Variants in MAPK10 observed in about 807,000 individuals in gnomAD.
MAPK10 encodes the protein JNK3 alpha protein kinase.
MAPK10 carries 25 observed loss-of-function variants against 59.3 expected under a neutral mutation model. The observed-to-expected ratio is 0.42, with a 90% confidence interval of 0.31 to 0.59. MAPK10 has a LOEUF of 0.59. Among genes scored for constraint, MAPK10 ranks in the 20% least tolerant of loss-of-function variants. The probability of loss-of-function intolerance (pLI) is 0.15; values close to 1 mark genes in which losing one functional copy is unlikely to be tolerated. For missense variants in MAPK10, 351 were observed against 568.9 expected (o/e 0.62, Z 3.90); for synonymous variants, 190 against 200.5 (o/e 0.95, Z 0.44).
chr4:86,557,192 C>T (rs1234489772), intron 1 of MAPK10, among the ~76,000 whole-genome samples: 1 of 151,908 alleles, frequency 6.6e-6, no homozygotes, highest in Non-Finnish European at 1.5e-5. Flanking sequence ...TGAAGTGAAA[C>T]TAAATCTTTT....
chr4:86,139,981 A>G (rs1161731628), intron 4 of MAPK10, among the ~76,000 whole-genome samples: 1 of 142,786 alleles, frequency 7.0e-6, no homozygotes, highest in Non-Finnish European at 1.5e-5. Flanking sequence ...AACCACAATG[A>G]GATACCATCT....
intron 1 of MAPK10, among the ~76,000 whole-genome samples, chr4:86,577,604 T>G (rs1292971701): frequency 6.6e-6 from 1 of 152,138 alleles, no homozygotes; most frequent in East Asian, 1.9e-4. Context: ...TCTGATAGTT[T>G]AGGGACATTT....
At chr4:86,061,482 A>G (rs1240089494) in intron 11 of MAPK10, among the ~76,000 whole-genome samples, 1 of 152,154 alleles carries the variant, frequency 6.6e-6, no homozygotes, top group Admixed American at 6.5e-5. Context: ...TTGGCATCCA[A>G]TTTTTAAAAT....
intron 1 of MAPK10, among the ~76,000 whole-genome samples, chr4:86,394,599 T>G (rs978136434): frequency 1.3e-5 from 2 of 152,120 alleles, no homozygotes; most frequent in Admixed American, 1.3e-4. Flanking sequence ...TTTAATAGGT[T>G]TAAGGAGAAG....
At chr4:86,170,610 C>T (rs999453580) in intron 3 of MAPK10, among the ~76,000 whole-genome samples, 1 of 151,888 alleles carries the variant, frequency 6.6e-6, no homozygotes, top group African/African-American at 2.4e-5. Flanking sequence ...CTTAGACTCC[C>T]ACACAATAAT....
chr4:86,550,527 C>T (rs1048719659), intron 1 of MAPK10, among the ~76,000 whole-genome samples: 2 of 151,700 alleles, frequency 1.3e-5, no homozygotes, highest in East Asian at 1.9e-4. Context: ...GTTGAAATGC[C>T]GTCTCTACTA....
At chr4:86,562,295 A>G (rs1395645819) in intron 1 of MAPK10, among the ~76,000 whole-genome samples, 1 of 151,888 alleles carries the variant, frequency 6.6e-6, no homozygotes, top group African/African-American at 2.4e-5. Flanking sequence ...TAATAAATAA[A>G]ATAGTTCAAG....
At chr4:86,175,135 T>A (rs1437038314) in intron 3 of MAPK10, among the ~76,000 whole-genome samples, 5 of 152,254 alleles carry the variant, frequency 3.3e-5, no homozygotes, top group Middle Eastern at 6.8e-3. Context: ...AATTTTATTT[T>A]AAAAAAATCC....
intron 1 of MAPK10, among the ~76,000 whole-genome samples, chr4:86,423,061 G>A (rs1746746406): frequency 6.6e-6 from 1 of 152,126 alleles, no homozygotes; most frequent in Admixed American, 6.5e-5. Context: ...CAACTAAAAT[G>A]AGCATGGTAG....
chr4:86,456,708 A>G (rs928111301), upstream of MAPK10, among the ~76,000 whole-genome samples: 2 of 152,230 alleles, frequency 1.3e-5, no homozygotes, highest in Non-Finnish European at 2.9e-5. Flanking sequence ...ATGGATTCAC[A>G]GCAGAATTCT....
At chr4:86,119,313 C>G (rs1225483389) in intron 4 of MAPK10, among the ~76,000 whole-genome samples, 1 of 152,088 alleles carries the variant, frequency 6.6e-6, no homozygotes, top group African/African-American at 2.4e-5. Flanking sequence ...GAATAAAAAG[C>G]CAATAGGGCC....
intron 1 of MAPK10, among the ~76,000 whole-genome samples, chr4:86,460,580 C>A (rs1474680288): frequency 6.6e-6 from 1 of 152,216 alleles, no homozygotes; most frequent in African/African-American, 2.4e-5. Context: ...TGGCCATAAA[C>A]AAAATATCTG....
At chr4:86,177,077 A>T (rs1022511421) in intron 3 of MAPK10, among the ~76,000 whole-genome samples, 11 of 152,116 alleles carry the variant, frequency 7.2e-5, no homozygotes, top group African/African-American at 2.7e-4. Context: ...ATGAAAAACT[A>T]AAATAGTTTT....
At chr4:86,519,426 C>G (rs920787343) in intron 1 of MAPK10, among the ~76,000 whole-genome samples, 5 of 152,076 alleles carry the variant, frequency 3.3e-5, no homozygotes, top group Non-Finnish European at 5.9e-5. Context: ...TCTGTTTTGT[C>G]TAATAATAGC....
At chr4:86,561,422 G>A (rs1044514651) in intron 1 of MAPK10, among the ~76,000 whole-genome samples, 10 of 152,120 alleles carry the variant, frequency 6.6e-5, no homozygotes, top group Admixed American at 5.2e-4. Flanking sequence ...ATGTGTTTTC[G>A]ACATTATTTG....
At chr4:86,352,906 T>C (rs1732327397) in intron 2 of MAPK10, among the ~76,000 whole-genome samples, 1 of 152,200 alleles carries the variant, frequency 6.6e-6, no homozygotes, top group Admixed American at 6.5e-5. Flanking sequence ...GCACATGTCT[T>C]GTATCCCTCT....
At chr4:86,089,163 G>A in intron 9 of MAPK10, 1 of 1,463,608 alleles carries the variant, frequency 6.8e-7, no homozygotes, top group Non-Finnish European at 9.5e-7. Flanking sequence ...GGAATTAATT[G>A]AGAGTGACAC....
At chr4:86,087,284 C>T (rs1009777080) in intron 9 of MAPK10, among the ~76,000 whole-genome samples, 2 of 152,138 alleles carry the variant, frequency 1.3e-5, no homozygotes, top group African/African-American at 4.8e-5. Flanking sequence ...TATTCAACCA[C>T]AATGAACTTC....
In MAPK10 at chr4:86,314,836, A is replaced by T. The variant is rs117136445; in HGVS notation, c.-7+39694T>A. ...TATTGATATGCATAACAAACTTAAG[A>T]TCATATTACACACACAATCTTCTAT... On this transcript the variant is annotated intron_variant, in intron 2 of 13. Coordinates refer to ENST00000641462, the MANE Select transcript of MAPK10 (RefSeq NM_138982.4). Among the ~76,000 whole-genome samples the T allele has an allele frequency of 8.5e-4, 130 of 152,244 alleles. No homozygotes were observed. In the East Asian group the frequency reaches 0.022, roughly 26 times the overall value.
Sources: allele counts gnomAD v4.1 joint callset (sites outside exome capture counted in the v4.1 genomes callset), GRCh38; gene constraint gnomAD v4.1.1; transcripts MANE v1.5; gene names NCBI Gene and HGNC (gene_info 2026-07-23, HGNC 2026-07-21).